The following ODAD2 variants were observed in gnomAD, a reference collection of about 807,000 sequenced individuals.
ODAD2 encodes outer dynein arm-docking complex subunit 2.
A neutral mutation model predicts 106.8 loss-of-function variants in ODAD2; 89 were observed. The observed-to-expected ratio is 0.83, with a 90% CI of 0.70 to 0.99. The LOEUF (loss-of-function observed/expected upper bound fraction) is 0.99. ODAD2 is among the 50% of genes least tolerant of loss of function. The pLI is 0.00. For missense variants in ODAD2, 1,168 were observed against 1,238.5 expected (o/e 0.94, Z 0.85); for synonymous variants, 404 against 436.2 (o/e 0.93, Z 0.92).
intron 17 of ODAD2, among the ~76,000 whole-genome samples, chr10:27,886,711 A>G (rs191316916): frequency 1.6e-4 from 24 of 152,186 alleles, no homozygotes; most frequent in Admixed American, 1.3e-3. Context: ...AGTATGCAAT[A>G]TATAAAGATG....
intron 17 of ODAD2, among the ~76,000 whole-genome samples, chr10:27,906,500 C>T (rs572359687): frequency 3.9e-5 from 6 of 152,274 alleles, no homozygotes; most frequent in African/African-American, 1.4e-4. Context: ...ACCTGCCAAT[C>T]CCATTATTGG....
chr10:27,879,939 C>T lies in ODAD2; in HGVS notation c.2611-17317G>A, dbSNP rs190853742. On this transcript the variant is annotated intron_variant, in intron 17 of 19. Coordinates refer to ENST00000305242, the MANE Select transcript of ODAD2 (RefSeq NM_018076.5). Reference sequence around the variant, plus strand: ...TGCAGAGGCCTACTCTCTCATTTATCGAAGTTCCTCTGAAAATAAACACAG... The same window carrying T: ...TGCAGAGGCCTACTCTCTCATTTATTGAAGTTCCTCTGAAAATAAACACAG... Among the ~76,000 whole-genome samples the T allele has an allele frequency of 2.8e-3, 422 of 152,276 alleles. 2 individuals carry two copies. The highest frequency in any genetic ancestry group is 2.8e-3 in the Non-Finnish European group (190 of 68,024).
intron 17 of ODAD2, chr10:27,904,971 G>A (rs1276423089): frequency 6.6e-6 from 1 of 152,338 alleles, no homozygotes; most frequent in Non-Finnish European, 1.5e-5. Context: ...AATATTGTTT[G>A]TGTTTATCAA....
chr10:27,834,083 T>C (rs1837681227), intron 19 of ODAD2, among the ~76,000 whole-genome samples: 1 of 152,194 alleles, frequency 6.6e-6, no homozygotes, highest in African/African-American at 2.4e-5. Context: ...CATCCCGGTG[T>C]GTCACTGACA....
intron 3 of ODAD2, among the ~76,000 whole-genome samples, chr10:27,985,996 T>C (rs2133146552): frequency 6.6e-6 from 1 of 152,118 alleles, no homozygotes; most frequent in East Asian, 1.9e-4. Context: ...TATGTATGCA[T>C]TGAGATGGGG....
intron 10 of ODAD2, among the ~76,000 whole-genome samples, chr10:27,945,450 C>T (rs1846835387): frequency 6.6e-6 from 1 of 152,092 alleles, no homozygotes; most frequent in African/African-American, 2.4e-5. Flanking sequence ...GGTTTGAGGG[C>T]CGTGGGATTG....
chr10:27,849,021 A>ATACCAT (rs1490965074), intron 19 of ODAD2, among the ~76,000 whole-genome samples: 5 of 152,350 alleles, frequency 3.3e-5, no homozygotes, highest in Non-Finnish European at 7.3e-5. Flanking sequence ...AGAACTAGAA[A>ATACCAT]TACCATTTGA....
intron 16 of ODAD2, among the ~76,000 whole-genome samples, chr10:27,922,988 G>A (rs1287819256): frequency 6.6e-6 from 1 of 151,868 alleles, no homozygotes; most frequent in Non-Finnish European, 1.5e-5. Flanking sequence ...TAAGAAGGAG[G>A]ATGAGGACAC....
chr10:27,859,130 AAATATCTTCC>A (rs1589842303), intron 19 of ODAD2, among the ~76,000 whole-genome samples: 1 of 152,078 alleles, frequency 6.6e-6, no homozygotes. Flanking sequence ...TTTAAATTAG[AAATATCTTCC>A]TTTTTGAAAT....
intron 17 of ODAD2, among the ~76,000 whole-genome samples, chr10:27,901,331 A>G (rs1447087063): frequency 6.6e-6 from 1 of 152,234 alleles, no homozygotes; most frequent in Non-Finnish European, 1.5e-5. Flanking sequence ...TTTGGAAAGG[A>G]AAAACCGGGA....
chr10:27,937,598 C>T (rs1846083516), intron 14 of ODAD2, among the ~76,000 whole-genome samples: 1 of 152,124 alleles, frequency 6.6e-6, no homozygotes, highest in African/African-American at 2.4e-5. Flanking sequence ...GATCATTCTT[C>T]CCGGGCTCTA....
intron 17 of ODAD2, among the ~76,000 whole-genome samples, chr10:27,896,219 T>C (rs1306753973): frequency 6.6e-6 from 1 of 152,240 alleles, no homozygotes; most frequent in Non-Finnish European, 1.5e-5. Flanking sequence ...GCATATTTAG[T>C]TAATTCAATA....
chr10:27,876,610 G>T (rs996943439), intron 17 of ODAD2, among the ~76,000 whole-genome samples: 1 of 152,162 alleles, frequency 6.6e-6, no homozygotes, highest in African/African-American at 2.4e-5. Context: ...CCAATTATTT[G>T]CTTAGGGCCC....
At chr10:27,926,116 C>A (rs2134010911) in intron 16 of ODAD2, among the ~76,000 whole-genome samples, 1 of 152,086 alleles carries the variant, frequency 6.6e-6, no homozygotes, top group African/African-American at 2.4e-5. Flanking sequence ...GTGGGCCATC[C>A]ATTCTCTGCC....
intron 17 of ODAD2, among the ~76,000 whole-genome samples, chr10:27,870,568 T>C (rs994537863): frequency 6.6e-6 from 1 of 152,018 alleles, no homozygotes; most frequent in Non-Finnish European, 1.5e-5. Flanking sequence ...AGTGTTCTCA[T>C]TGTTCACTTC....
At chr10:27,843,238 A>G (rs1025622360) in intron 19 of ODAD2, among the ~76,000 whole-genome samples, 1 of 152,244 alleles carries the variant, frequency 6.6e-6, no homozygotes, top group Admixed American at 6.5e-5. Flanking sequence ...TCTTAAAATA[A>G]AAACAGCCTA....
Position 27,907,496 on chromosome 10 carries a change from G to GA in ODAD2, c.2610+166dup, listed in dbSNP as rs78414228. Among the ~76,000 whole-genome samples the GA allele has an allele frequency of 0.16, 23,624 of 152,074 alleles. 1,947 individuals are homozygous for GA. The highest frequency in any genetic ancestry group is 0.17 in the Non-Finnish European group (11,326 of 67,978). On this transcript the variant is annotated intron_variant, in intron 17 of 19. Coordinates refer to ENST00000305242, the MANE Select transcript of ODAD2 (RefSeq NM_018076.5). ...TTGCTTTGCATTTTAAAACTGACCA[G>GA]AAAAAAAGCAATGCTCCGAAATTAT... is the stretch of plus-strand genomic sequence containing the variant.
intron 17 of ODAD2, among the ~76,000 whole-genome samples, chr10:27,882,982 G>A (rs1393023252): frequency 1.3e-5 from 2 of 151,886 alleles, no homozygotes; most frequent in Non-Finnish European, 2.9e-5. Context: ...TAAGAGGCTG[G>A]TCAAAAAAAT....
intron 19 of ODAD2, among the ~76,000 whole-genome samples, chr10:27,838,073 AAGG>A (rs1463336554): frequency 6.6e-6 from 1 of 152,178 alleles, no homozygotes; most frequent in Admixed American, 6.5e-5. Flanking sequence ...ACTGAAAAAA[AAGG>A]AGTCTTAGGA....
Sources: allele counts gnomAD v4.1 joint callset (sites outside exome capture counted in the v4.1 genomes callset), GRCh38; gene constraint gnomAD v4.1.1; transcripts MANE v1.5; gene names NCBI Gene and HGNC (gene_info 2026-07-23, HGNC 2026-07-21).